DTNB: variants seen among roughly 807,000 people sequenced by gnomAD.
DTNB encodes the protein dystrobrevin beta, also known as DTN-B.
DTNB carries 63 observed loss-of-function variants against 90.7 expected under a neutral mutation model. That is an observed-to-expected ratio of 0.69 (90% CI 0.57 to 0.86). The LOEUF is 0.86. DTNB is among the 40% of genes least tolerant of loss of function. DTNB has a pLI of 0.00. For synonymous variants in DTNB, 277 were observed against 286.7 expected, an observed-to-expected ratio of 0.97 and a Z score of 0.34; for missense variants, 744 against 807.1, an observed-to-expected ratio of 0.92 and a Z score of 0.95.
chr2:25,522,224 T>C (rs1030966017), intron 9 of DTNB, among the ~76,000 whole-genome samples: 4 of 152,222 alleles, frequency 2.6e-5, no homozygotes, highest in Non-Finnish European at 2.9e-5. Context: ...TCTTGCAATT[T>C]ATTTGAAAAA....
chr2:25,659,994 A>G (rs557022288), intron 1 of DTNB, among the ~76,000 whole-genome samples: 21 of 152,350 alleles, frequency 1.4e-4, no homozygotes, highest in African/African-American at 4.6e-4. Flanking sequence ...GAACGTATGA[A>G]AACTTACTAC....
At chr2:25,580,384 G>T (rs571253392) in intron 7 of DTNB, among the ~76,000 whole-genome samples, 1 of 151,986 alleles carries the variant, frequency 6.6e-6, no homozygotes, top group South Asian at 2.1e-4. Flanking sequence ...AACCAGGTGT[G>T]GTGGCCGGCA....
chr2:25,606,178 G>A (rs894426083), intron 5 of DTNB, among the ~76,000 whole-genome samples: 1 of 134,082 alleles, frequency 7.5e-6, no homozygotes, highest in Non-Finnish European at 1.6e-5. Context: ...TCAAACCTCT[G>A]TATCTTTCAA....
chr2:25,636,850 T>C (rs533943531), intron 3 of DTNB, among the ~76,000 whole-genome samples: 10 of 152,034 alleles, frequency 6.6e-5, no homozygotes, highest in African/African-American at 2.2e-4. Flanking sequence ...TAAAAAATAA[T>C]GCTTTGAGAA....
In DTNB at chr2:25,578,561, T is replaced by C. The variant is rs1252031891; in HGVS notation, c.710-1557A>G. 2.0e-5 allele frequency among the ~76,000 whole-genome samples: 3 copies of C among 152,338 alleles called. No individual in the cohort carries two copies. The East Asian group carries it at 5.8e-4, about 29-fold the overall frequency. ...TATATGTCTATGTGATTCTCCTACC[T>C]TCTCTTCCAAACCACTCAAGAGCCA... On this transcript the variant is annotated intron_variant, in intron 7 of 20. Transcript: ENST00000406818.
At chr2:25,578,555 C>G (rs2061057934) in intron 7 of DTNB, among the ~76,000 whole-genome samples, 1 of 152,178 alleles carries the variant, frequency 6.6e-6, no homozygotes, top group Non-Finnish European at 1.5e-5. Context: ...ATGTGATTCT[C>G]CTACCTTCTC....
chr2:25,442,578 A>G (rs184089515), intron 12 of DTNB, among the ~76,000 whole-genome samples: 5 of 152,346 alleles, frequency 3.3e-5, no homozygotes, highest in Admixed American at 3.3e-4. Flanking sequence ...TCATTGTAGA[A>G]CAACTCCTGC....
At chr2:25,566,662 T>C (rs1430995817) in intron 8 of DTNB, among the ~76,000 whole-genome samples, 1 of 152,174 alleles carries the variant, frequency 6.6e-6, no homozygotes, top group Non-Finnish European at 1.5e-5. Flanking sequence ...GTCACCCTAA[T>C]AGTCAATCCC....
intron 1 of DTNB, among the ~76,000 whole-genome samples, chr2:25,662,604 C>G (rs2083410516): frequency 6.6e-6 from 1 of 151,380 alleles, no homozygotes; most frequent in African/African-American, 2.4e-5. Flanking sequence ...GGTGCCTCCT[C>G]ATCTCACCCT....
intron 5 of DTNB, among the ~76,000 whole-genome samples, chr2:25,599,657 A>G (rs1457740678): frequency 6.6e-6 from 1 of 152,164 alleles, no homozygotes; most frequent in Non-Finnish European, 1.5e-5. Flanking sequence ...CAAATTTTTA[A>G]GTGGAACTAC....
At chr2:25,538,608 C>T (rs1417357224) in intron 8 of DTNB, among the ~76,000 whole-genome samples, 10 of 152,196 alleles carry the variant, frequency 6.6e-5, no homozygotes, top group Admixed American at 5.9e-4. Flanking sequence ...TATGCCACCA[C>T]ACCTGGCTAA....
At chr2:25,590,395 A>G (rs923099882) in intron 6 of DTNB, among the ~76,000 whole-genome samples, 1 of 152,182 alleles carries the variant, frequency 6.6e-6, no homozygotes, top group African/African-American at 2.4e-5. Context: ...ATTGAGCAAT[A>G]GAACAGTTCG....
intron 4 of DTNB, among the ~76,000 whole-genome samples, chr2:25,626,308 G>A (rs2074143775): frequency 6.6e-6 from 1 of 152,128 alleles, no homozygotes; most frequent in Non-Finnish European, 1.5e-5. Flanking sequence ...ATGATAAGGT[G>A]CTGCTTACTT....
intron 8 of DTNB, among the ~76,000 whole-genome samples, chr2:25,556,170 C>CTTTTTT (rs60714399): frequency 0.016 from 1,640 of 105,470 alleles, 157 homozygotes; most frequent in African/African-American, 0.045. Context: ...GGCCATCTCT[C>CTTTTTT]TTTTTTTTTT....
intron 13 of DTNB, 74 bp downstream of exon 13, chr2:25,433,836 C>T: frequency 1.3e-6 from 2 of 1,561,792 alleles, no homozygotes; most frequent in Non-Finnish European, 1.8e-6. Flanking sequence ...ACCTAGTATC[C>T]AAGGAAAATG....
At chr2:25,628,803 G>A (rs1200891727) in intron 3 of DTNB, among the ~76,000 whole-genome samples, 5 of 152,152 alleles carry the variant, frequency 3.3e-5, no homozygotes, top group Non-Finnish European at 5.9e-5. Context: ...AAACTTTACT[G>A]TATGACCCTA....
chr2:25,622,664 C>T (rs1470950491), intron 4 of DTNB, among the ~76,000 whole-genome samples: 1 of 152,084 alleles, frequency 6.6e-6, no homozygotes, highest in African/African-American at 2.4e-5. Context: ...AACACTCTAG[C>T]CCACATGTCC....
chr2:25,533,155 C>A (rs1031656890), intron 8 of DTNB, among the ~76,000 whole-genome samples: 5 of 151,974 alleles, frequency 3.3e-5, no homozygotes, highest in African/African-American at 1.2e-4. Flanking sequence ...GAAACCCGGT[C>A]TCTACAAAAA....
chr2:25,432,206 T>TACACACACACACACAC (rs60610400), intron 14 of DTNB, among the ~76,000 whole-genome samples: 5 of 146,320 alleles, frequency 3.4e-5, no homozygotes, highest in Non-Finnish European at 4.5e-5. Flanking sequence ...GAAGAGTGCG[T>TACACACACACACACAC]ACACACACAC....
Sources: gnomAD v4.1 joint callset for allele counts (sites outside exome capture counted in the v4.1 genomes callset) on GRCh38, gnomAD v4.1.1 for gene constraint, MANE v1.5 for transcripts, NCBI Gene and HGNC (gene_info 2026-07-23, HGNC 2026-07-21) for gene names.